OGDHL: variants seen among roughly 807,000 people sequenced by gnomAD.
The protein encoded by OGDHL is 2-oxoglutarate dehydrogenase-like, mitochondrial.
Under a neutral mutation model 109.6 loss-of-function variants are expected in OGDHL, and 79 were observed. The ratio of observed to expected loss-of-function variants is 0.72; its 90% CI spans 0.60 to 0.87. The LOEUF is 0.87. Ranked by LOEUF, OGDHL falls within the 40% of genes least tolerant of loss-of-function variation. OGDHL has a pLI of 0.00. For synonymous variants in OGDHL, 528 were observed against 537.2 expected (o/e 0.98, Z 0.24); for missense variants, 1,275 against 1,362.2 (o/e 0.94, Z 1.01).
At chr10:49,759,834 C>A (rs2132276580) in intron 1 of OGDHL, among the ~76,000 whole-genome samples, 1 of 152,330 alleles carries the variant, frequency 6.6e-6, no homozygotes, top group East Asian at 1.9e-4. Flanking sequence ...GGGAGGAGTC[C>A]CCTACCCCTG....
At chr10:49,742,479 ACT>A in intron 15 of OGDHL, among the ~76,000 whole-genome samples, 1 of 10,282 alleles carries the variant, frequency 9.7e-5, no homozygotes, top group Non-Finnish European at 2.0e-4. Flanking sequence ...CCCCCTATAC[ACT>A]CCCCCCACTC....
chr10:49,749,567 G>A (rs1217630060), intron 8 of OGDHL, among the ~76,000 whole-genome samples, 159 bp downstream of exon 8: 1 of 152,082 alleles, frequency 6.6e-6, no homozygotes, highest in African/African-American at 2.4e-5. Context: ...AAAGCCTTAG[G>A]GTCCTCAGGC....
intron 8 of OGDHL, 150 bp from the exon 9 acceptor site, chr10:49,747,358 TCATCA>T: frequency 2.5e-6 from 2 of 795,824 alleles, no homozygotes; most frequent in Non-Finnish European, 4.0e-6. Flanking sequence ...CCCTCTCTCC[TCATCA>T]CACTGCCCCT....
chr10:49,742,836 G>A lies in OGDHL; in HGVS notation c.2004C>T (p.Gly668=), dbSNP rs200030082. The change falls in exon 15 of 23, where the codon GGC becomes GGT. Residue 668 remains glycine, a synonymous_variant. Transcript: ENST00000374103. The part of the protein sequence containing the change: ...VRLSGQDVER[G]TFSHRHHVLH... ...AGCCCCACTGCGCTCACCTGAATGT[G>A]CCCCTCTCCACATCCTGCCCGCTGA... The A allele has an allele frequency of 1.9e-6, 3 of 1,612,834 alleles. No individual in the cohort carries two copies. The highest frequency in any genetic ancestry group is 3.3e-5 in the Admixed American group (2 of 59,974).
intron 6 of OGDHL, 70 bp downstream of exon 6, chr10:49,751,757 A>C: frequency 1.3e-6 from 2 of 1,555,168 alleles, no homozygotes; most frequent in Non-Finnish European, 1.7e-6. Context: ...TCTCTTAGGC[A>C]GGGTGTGGGA....
chr10:49,752,072 G>A (rs1053610206), intron 5 of OGDHL, 61 bp downstream of exon 5: 65 of 1,607,950 alleles, frequency 4.0e-5, no homozygotes, highest in South Asian at 2.6e-4. Context: ...GTGCCTTCCC[G>A]TCCTCTGGCA....
At position 49,757,087 on chromosome 10, in the gene OGDHL, A is replaced by C. The variant is rs1464240313; in HGVS notation, c.205-141T>G. The stretch of plus-strand genomic sequence containing the variant: ...GCCTTCCCAGGGTGCCTAGATGTAC[A>C]TACAACGATGTTCCCTGCAGAACTG... On this transcript the variant is annotated intron_variant, in intron 2 of 22. Coordinates refer to ENST00000374103, the MANE Select transcript of OGDHL (RefSeq NM_018245.3). 3 of 723,096 alleles carry C rather than the reference A, an allele frequency of 4.1e-6. No individual in the cohort carries two copies. The African/African-American group carries it at 5.3e-5, about 13-fold the overall frequency. 44.8% of individuals were successfully genotyped at this position (723,096 alleles called of 1,614,324 possible). A position where few individuals can be genotyped will look rare whatever the true frequency, so the allele number is the denominator to read the frequency against.
intron 3 of OGDHL, among the ~76,000 whole-genome samples, chr10:49,753,888 T>TAAAAAAAA (rs63200161): frequency 1.1e-5 from 1 of 87,264 alleles, no homozygotes; most frequent in African/African-American, 4.0e-5. Context: ...AAACTCCATC[T>TAAAAAAAA]AAAAAAAAAA....
chr10:49,754,050 C>T (rs1323897302), intron 3 of OGDHL, among the ~76,000 whole-genome samples: 4 of 152,120 alleles, frequency 2.6e-5, no homozygotes, highest in Non-Finnish European at 4.4e-5. Flanking sequence ...AGGACAAACC[C>T]CAAATCCCAC....
chr10:49,745,775 T>G, intron 11 of OGDHL, 23 bp downstream of exon 11: 1 of 1,609,898 alleles, frequency 6.2e-7, no homozygotes. Flanking sequence ...CACCCATGCC[T>G]TGGCCTCAGT....
chr10:49,744,966 C>T (rs1228677631), intron 12 of OGDHL, among the ~76,000 whole-genome samples: 3 of 152,224 alleles, frequency 2.0e-5, no homozygotes, highest in Non-Finnish European at 4.4e-5. Context: ...GCAGTGCGCT[C>T]AGCAAGGGGC....
chr10:49,760,678 T>C (rs774725189), intron 1 of OGDHL, among the ~76,000 whole-genome samples: 1 of 152,188 alleles, frequency 6.6e-6, no homozygotes, highest in African/African-American at 2.4e-5. Flanking sequence ...CAACATCCCA[T>C]GGGGTGGGCA....
In OGDHL at chr10:49,742,929, C is replaced by CGGA; in HGVS notation, c.1910_1911insTCC (p.Thr637_Val638insPro). ...TGTACTCTGCCAACGCCCAGTCCAC[C>CGGA]GTCCGGTTCTTGGTCATGTCCGCAC... On this transcript the variant is annotated inframe_insertion, in exon 15 of 23. Transcript: ENST00000374103. 6.2e-7 allele frequency: 1 copy of CGGA among 1,614,030 alleles called. No homozygotes were observed. The highest frequency in any genetic ancestry group is 8.5e-7 in the Non-Finnish European group (1 of 1,180,014).
chr10:49,736,768 C>T (rs1453622131), intron 20 of OGDHL, among the ~76,000 whole-genome samples: 1 of 152,124 alleles, frequency 6.6e-6, no homozygotes, highest in Non-Finnish European at 1.5e-5. Flanking sequence ...TTAAGGTGAC[C>T]GGAGGTGGGG....
Position 49,751,853 on chromosome 10 carries a change from C to G in OGDHL, c.723G>C (p.Leu241=). Residue 241 remains leucine (L), a synonymous_variant, in exon 6 of 23, where the codon CTG becomes CTC. Coordinates refer to ENST00000374103, the MANE Select transcript of OGDHL (RefSeq NM_018245.3). ...TCATGGAGCGCACTAGCCGGGCCAGCAGGGTCCGCTTCTCCTCGCTGGAGA... is the reference window on the plus strand; with the variant it reads ...TCATGGAGCGCACTAGCCGGGCCAGGAGGGTCCGCTTCTCCTCGCTGGAGA... ...MQFSSEEKRT[L]LARLVRSMRF... is the part of the protein sequence containing the mutation. 3.7e-6 allele frequency: 6 copies of G among 1,614,046 alleles called. No homozygotes were observed. Among genetic ancestry groups the G allele is most frequent in the Non-Finnish European group, 5.1e-6 (6 of 1,180,014 alleles).
At chr10:49,754,905 T>C (rs1304615332) in intron 3 of OGDHL, among the ~76,000 whole-genome samples, 2 of 152,342 alleles carry the variant, frequency 1.3e-5, no homozygotes, top group East Asian at 3.9e-4. Flanking sequence ...CTTTAGCCTA[T>C]TGCAACCTGT....
At chr10:49,748,651 A>G (rs111358081) in intron 8 of OGDHL, among the ~76,000 whole-genome samples, 5 of 152,054 alleles carry the variant, frequency 3.3e-5, no homozygotes, top group Non-Finnish European at 5.9e-5. Flanking sequence ...GTTTTATGGA[A>G]GAGCAAAGTG....
At chr10:49,749,008 AGACCAGCCT>A (rs1842402665) in intron 8 of OGDHL, among the ~76,000 whole-genome samples, 1 of 152,242 alleles carries the variant, frequency 6.6e-6, no homozygotes, top group African/African-American at 2.4e-5. Context: ...CAGGAGTTCA[AGACCAGCCT>A]GACCAACATG....
At chr10:49,743,569 TG>T (rs999830366) in intron 14 of OGDHL, 8 of 167,388 alleles carry the variant, frequency 4.8e-5, no homozygotes, top group Admixed American at 5.9e-5. Flanking sequence ...CACCCCGGAG[TG>T]GGGGGGCTGC....
Sources: gnomAD v4.1 joint callset for allele counts (sites outside exome capture counted in the v4.1 genomes callset) on GRCh38, gnomAD v4.1.1 for gene constraint, MANE v1.5 for transcripts, NCBI Gene and HGNC (gene_info 2026-07-23, HGNC 2026-07-21) for gene names.